The following SH3D19 variants were observed in gnomAD, a reference collection of about 807,000 sequenced individuals.
SH3D19 encodes the protein SH3 domain containing 19.
Under a neutral mutation model 112.1 loss-of-function variants are expected in SH3D19, and 58 were observed. The ratio of observed to expected loss-of-function variants is 0.52; its 90% CI spans 0.42 to 0.64. SH3D19 has a LOEUF of 0.64. SH3D19 is among the 30% of genes least tolerant of loss of function. The pLI, the probability that SH3D19 is intolerant of heterozygous loss-of-function variation, is 0.00. For missense variants in SH3D19, 1,090 were observed against 1,263.4 expected, an observed-to-expected ratio of 0.86 and a Z score of 2.08; for synonymous variants, 391 against 448.5, an observed-to-expected ratio of 0.87 and a Z score of 1.62.
intron 7 of SH3D19, among the ~76,000 whole-genome samples, chr4:151,174,416 T>A (rs1397878159): frequency 6.6e-6 from 1 of 152,216 alleles, no homozygotes; most frequent in East Asian, 1.9e-4. Context: ...AATCGATGCA[T>A]GTGTCTCCCC....
At chr4:151,166,589 G>A (rs1373972457) in intron 7 of SH3D19, among the ~76,000 whole-genome samples, 1 of 151,692 alleles carries the variant, frequency 6.6e-6, no homozygotes, top group Non-Finnish European at 1.5e-5. Flanking sequence ...ACACAGGATC[G>A]CATGAGACTG....
At chr4:151,244,879 C>T (rs1277990768) in intron 1 of SH3D19, among the ~76,000 whole-genome samples, 3 of 152,180 alleles carry the variant, frequency 2.0e-5, no homozygotes, top group Non-Finnish European at 4.4e-5. Context: ...TGCAGTGGCT[C>T]ACGCCTGTAA....
At chr4:151,232,538 C>T (rs911704913) in intron 1 of SH3D19, among the ~76,000 whole-genome samples, 2 of 152,224 alleles carry the variant, frequency 1.3e-5, no homozygotes, top group Admixed American at 6.5e-5. Flanking sequence ...GATACTGCAT[C>T]ATAGTGACTG....
At chr4:151,148,286 C>G (rs1754297885) in intron 10 of SH3D19, 100 bp from the exon 11 acceptor site, 1 of 825,790 alleles carries the variant, frequency 1.2e-6, no homozygotes, top group East Asian at 2.8e-5. Flanking sequence ...CACACACACA[C>G]ACAGAGACAC....
intron 2 of SH3D19, among the ~76,000 whole-genome samples, chr4:151,203,575 C>A (rs1028889866): frequency 2.0e-5 from 3 of 152,100 alleles, no homozygotes; most frequent in African/African-American, 7.2e-5. Flanking sequence ...GATGCCAGCC[C>A]CACCAACTTA....
chr4:151,182,314 T>A (rs1253342978), intron 3 of SH3D19, among the ~76,000 whole-genome samples: 2 of 152,192 alleles, frequency 1.3e-5, no homozygotes, highest in African/African-American at 2.4e-5. Context: ...ACAACGGTTT[T>A]AAAAAATCTA....
chr4:151,167,793 C>T (rs1758337716), intron 7 of SH3D19, among the ~76,000 whole-genome samples: 1 of 151,826 alleles, frequency 6.6e-6, no homozygotes, highest in Admixed American at 6.6e-5. Flanking sequence ...TGAGGAGCGC[C>T]TCTGCCTGGC....
chr4:151,307,619 G>A (rs576357660), intron 1 of SH3D19, among the ~76,000 whole-genome samples: 2 of 152,344 alleles, frequency 1.3e-5, no homozygotes, highest in East Asian at 3.9e-4. Context: ...CTGTCTCTGA[G>A]GATAGTTGGG....
intron 13 of SH3D19, among the ~76,000 whole-genome samples, chr4:151,139,468 G>A (rs559936986): frequency 1.3e-5 from 2 of 152,258 alleles, no homozygotes; most frequent in East Asian, 3.9e-4. Flanking sequence ...CCACTATTTT[G>A]AAAGAGTTAA....
At chr4:151,282,777 A>T (rs1027061530) in intron 1 of SH3D19, among the ~76,000 whole-genome samples, 1 of 141,554 alleles carries the variant, frequency 7.1e-6, no homozygotes, top group African/African-American at 3.2e-5. Context: ...AGTAGACACA[A>T]GACAAGAACT....
rs558365630 is a variant in SH3D19, at chr4:151,184,774, C to T, written c.193+2649G>A. On this transcript the variant is annotated intron_variant, in intron 3 of 19. Coordinates refer to ENST00000604030, the MANE Select transcript of SH3D19 (RefSeq NM_001378122.1). ...TTACAGTCCATATCTCTCCTGTTCA[C>T]CACCAAATTTCATAGAAGAGTAGGC... Among the ~76,000 whole-genome samples the T allele has an allele frequency of 3.9e-5, 6 of 152,330 alleles. No homozygotes were observed. The East Asian group carries it at 1.2e-3, about 29-fold the overall frequency.
chr4:151,295,095 G>C (rs1358883304), intron 1 of SH3D19, among the ~76,000 whole-genome samples: 1 of 152,236 alleles, frequency 6.6e-6, no homozygotes, highest in Non-Finnish European at 1.5e-5. Context: ...CAGAAAGAAA[G>C]GGAGCAGGGG....
At chr4:151,214,625 G>C (rs1401818606) in intron 2 of SH3D19, among the ~76,000 whole-genome samples, 1 of 50,186 alleles carries the variant, frequency 2.0e-5, no homozygotes, top group Non-Finnish European at 7.3e-5. Flanking sequence ...GCGGCTGGCC[G>C]GGCGGGGGGC....
Position 151,133,253 on chromosome 4 carries a change from T to C in SH3D19, c.2487-17A>G, listed in dbSNP as rs746550898. ...CTTGAGCCTCTGAATGAAGAACACA[T>C]TTTGTGGATTAGACTAGAGAGTGCT... is the stretch of plus-strand genomic sequence containing the variant. On this transcript the variant is annotated splice_polypyrimidine_tract_variant and intron_variant, in intron 15 of 19. Transcript: ENST00000604030. 3 of 1,610,480 alleles carry C rather than the reference T, an allele frequency of 1.9e-6. No homozygotes were observed. Among genetic ancestry groups the C allele is most frequent in the Non-Finnish European group, 2.5e-6 (3 of 1,176,850 alleles).
At chr4:151,273,732 C>A (rs1400754249) in intron 1 of SH3D19, among the ~76,000 whole-genome samples, 1 of 151,838 alleles carries the variant, frequency 6.6e-6, no homozygotes, top group African/African-American at 2.4e-5. Flanking sequence ...CAGGTCTCTG[C>A]AAAATGAATA....
rs66567240 is a variant in SH3D19 at position 151,185,040 on chromosome 4, G to GT, written c.193+2382dup. On this transcript the variant is annotated intron_variant, in intron 3 of 19. Transcript: ENST00000604030. ...GACCTCTAAAACACAGCTGTGTCCT[G>GT]TTTTTTTTTTTTTTTTTTTTTTTTT... 2.3e-3 allele frequency among the ~76,000 whole-genome samples: 151 copies of GT among 66,494 alleles called. 7 individuals carry two copies. Among genetic ancestry groups the GT allele is most frequent in the African/African-American group, 9.1e-3 (134 of 14,646 alleles). 43.6% of individuals were successfully genotyped at this position (66,494 alleles called of 152,430 possible).
At chr4:151,301,596 A>C (rs1024531406) in intron 1 of SH3D19, among the ~76,000 whole-genome samples, 12 of 152,120 alleles carry the variant, frequency 7.9e-5, no homozygotes, top group African/African-American at 2.9e-4. Context: ...TCGCCATGTG[A>C]AGATGTGCCT....
At chr4:151,293,076 C>T (rs1775456740) in intron 1 of SH3D19, among the ~76,000 whole-genome samples, 1 of 151,882 alleles carries the variant, frequency 6.6e-6, no homozygotes, top group South Asian at 2.1e-4. Context: ...GCCAAGATCC[C>T]ATCACTGCAC....
At chr4:151,263,460 A>G (rs934786070) in intron 1 of SH3D19, among the ~76,000 whole-genome samples, 1 of 152,264 alleles carries the variant, frequency 6.6e-6, no homozygotes, top group Admixed American at 6.5e-5. Flanking sequence ...CCGGCAGTAT[A>G]TTAGTTATCT....
Sources: gnomAD v4.1 joint callset for allele counts (sites outside exome capture counted in the v4.1 genomes callset) on GRCh38, gnomAD v4.1.1 for gene constraint, MANE v1.5 for transcripts, NCBI Gene and HGNC (gene_info 2026-07-23, HGNC 2026-07-21) for gene names.